Variants in DMXL2 observed in about 807,000 individuals in gnomAD.
The protein encoded by DMXL2 is Dmx like 2, also known as dmX-like protein 2.
In DMXL2, 103 loss-of-function variants were observed where a neutral mutation model predicts 331.1. The ratio of observed to expected loss-of-function variants is 0.31; its 90% CI spans 0.27 to 0.37. DMXL2 has a LOEUF of 0.37. Ranked by LOEUF, DMXL2 falls within the 10% of genes least tolerant of loss-of-function variation. DMXL2 has a pLI of 1.00. For synonymous variants in DMXL2, 1,281 were observed against 1,252.1 expected, an observed-to-expected ratio of 1.02 and a Z score of -0.49; for missense variants, 3,171 against 3,642.9, an observed-to-expected ratio of 0.87 and a Z score of 3.33.
chr15:51,588,732 C>A (rs572124943), intron 1 of DMXL2, among the ~76,000 whole-genome samples: 25 of 152,286 alleles, frequency 1.6e-4, no homozygotes, highest in African/African-American at 6.0e-4. Context: ...TACTATTAAA[C>A]TGTAATTAAA....
intron 28 of DMXL2, 65 bp downstream of exon 28, chr15:51,474,279 A>C (rs1014769872): frequency 2.0e-4 from 299 of 1,488,042 alleles, no homozygotes; most frequent in Non-Finnish European, 9.0e-6. Flanking sequence ...TGAAACATTA[A>C]AAAAAATTTT....
At chr15:51,564,378 C>G in intron 4 of DMXL2, 118 bp from the exon 5 acceptor site, 2 of 725,248 alleles carry the variant, frequency 2.8e-6, no homozygotes, top group Non-Finnish European at 4.0e-6. Context: ...AGCAATATCG[C>G]CAACGAAAAA....
At chr15:51,505,547 T>C (rs1014018508) in intron 16 of DMXL2, among the ~76,000 whole-genome samples, 1 of 152,240 alleles carries the variant, frequency 6.6e-6, no homozygotes, top group Admixed American at 6.5e-5. Context: ...TCAGATCCCT[T>C]CTCTTGCATT....
At chr15:51,472,521 C>T (rs1428928299) in intron 28 of DMXL2, among the ~76,000 whole-genome samples, 1 of 152,148 alleles carries the variant, frequency 6.6e-6, no homozygotes, top group African/African-American at 2.4e-5. Flanking sequence ...TAAGCAGTCA[C>T]TCCTTATTTC....
intron 1 of DMXL2, among the ~76,000 whole-genome samples, chr15:51,588,244 A>G (rs1595635941): frequency 1.3e-5 from 2 of 148,980 alleles, no homozygotes; most frequent in African/African-American, 5.0e-5. Context: ...TTCAACTGCC[A>G]CCTCCCAGAC....
chr15:51,469,644 C>G (rs1476218975), intron 29 of DMXL2, among the ~76,000 whole-genome samples: 1 of 152,014 alleles, frequency 6.6e-6, no homozygotes, highest in Admixed American at 6.6e-5. Context: ...CAGGAGGAAA[C>G]ATTTTTGAAA....
Position 51,502,794 on chromosome 15 carries a change from A to C in DMXL2, c.2992+12T>G. 1.2e-6 allele frequency: 2 copies of C among 1,603,874 alleles called. No homozygotes were observed. The highest frequency in any genetic ancestry group is 1.7e-6 in the Non-Finnish European group (2 of 1,170,724). On this transcript the variant is annotated intron_variant, in intron 17 of 43. Coordinates refer to ENST00000560891, the MANE Select transcript of DMXL2 (RefSeq NM_001378457.1). Reference sequence around the variant, plus strand: ...TCTGAGCTACCACTGCCCAGTCTTAAAGTGACCTTACCTGCTGAAGGCGTT... The same window carrying C: ...TCTGAGCTACCACTGCCCAGTCTTACAGTGACCTTACCTGCTGAAGGCGTT...
intron 25 of DMXL2, among the ~76,000 whole-genome samples, chr15:51,479,468 A>G (rs74013221): frequency 6.6e-6 from 1 of 152,322 alleles, no homozygotes; most frequent in African/African-American, 2.4e-5. Context: ...TCGCAGTAGT[A>G]ACTGCCAAAA....
At position 51,492,296 on chromosome 15, in the gene DMXL2, T is replaced by C. The variant is rs116409218; in HGVS notation, c.4784-549A>G. Among the ~76,000 whole-genome samples the C allele has an allele frequency of 1.8e-3, 275 of 152,376 alleles. 1 individual carries two copies. The highest frequency in any genetic ancestry group is 6.3e-3 in the African/African-American group (264 of 41,590). Reference sequence around the variant, plus strand: ...TCCTGGATGTCGATTCCAGTGCCACTACCCCATTCTTCTCTCTAGCCATGG... The same window carrying C: ...TCCTGGATGTCGATTCCAGTGCCACCACCCCATTCTTCTCTCTAGCCATGG... On this transcript the variant is annotated intron_variant, in intron 19 of 43. Transcript: ENST00000560891.
chr15:51,536,288 T>A lies in DMXL2; in HGVS notation c.2192A>T (p.Asp731Val). Residue 731 changes from aspartate (D) to valine (V), a missense_variant, in exon 12 of 44, where the codon GAC (aspartate) becomes GTC (valine). By Grantham distance (152) the Asp-to-Val change is radical. Coordinates refer to ENST00000560891, the MANE Select transcript of DMXL2 (RefSeq NM_001378457.1). ...AGTGTATGACAAAGGTCCTATTGGG[T>A]CTACACGCCACAGAATAAGTTCACT... The part of the protein sequence containing the change: ...IYSELILWRV[D>V]PIGPLSYTGG... The A allele has an allele frequency of 1.2e-6, 2 of 1,614,086 alleles. No individual in the cohort carries two copies. Among genetic ancestry groups the A allele is most frequent in the Non-Finnish European group, 1.7e-6 (2 of 1,179,946 alleles).
At chr15:51,468,973 G>A (rs1208675938) in intron 29 of DMXL2, among the ~76,000 whole-genome samples, 1 of 152,090 alleles carries the variant, frequency 6.6e-6, no homozygotes, top group East Asian at 1.9e-4. Context: ...GAGAGAGAGA[G>A]AGAGAGAGGT....
intron 6 of DMXL2, among the ~76,000 whole-genome samples, chr15:51,552,988 T>C (rs1334874825): frequency 1.3e-5 from 2 of 152,190 alleles, no homozygotes; most frequent in African/African-American, 4.8e-5. Context: ...CCAAAAACAC[T>C]CTTTCCCCTG....
chr15:51,510,555 T>C (rs2046693590), intron 15 of DMXL2, among the ~76,000 whole-genome samples: 1 of 151,984 alleles, frequency 6.6e-6, no homozygotes. Context: ...CATAAACAAA[T>C]GGAAAAACAT....
intron 1 of DMXL2, among the ~76,000 whole-genome samples, chr15:51,581,960 T>C (rs942643753): frequency 5.3e-5 from 8 of 152,276 alleles, no homozygotes; most frequent in African/African-American, 1.9e-4. Flanking sequence ...ACTATAATCT[T>C]ACCAAGAATA....
At chr15:51,534,519 G>A (rs780515863) in intron 13 of DMXL2, among the ~76,000 whole-genome samples, 14 of 152,210 alleles carry the variant, frequency 9.2e-5, no homozygotes, top group Admixed American at 7.2e-4. Flanking sequence ...TTAGAGTTGA[G>A]TCTCCCTCAT....
At chr15:51,603,363 C>G (rs916607660) in intron 1 of DMXL2, among the ~76,000 whole-genome samples, 2 of 152,040 alleles carry the variant, frequency 1.3e-5, no homozygotes, top group African/African-American at 4.8e-5. Context: ...ATGAAAAAGA[C>G]CAATTCCTCT....
intron 1 of DMXL2, among the ~76,000 whole-genome samples, chr15:51,587,439 A>G (rs1366415233): frequency 1.3e-5 from 2 of 151,840 alleles, no homozygotes; most frequent in Non-Finnish European, 1.5e-5. Context: ...TGTCCTTGAG[A>G]CAGTTTGCTG....
chr15:51,467,671 A>T (rs2040708038), intron 29 of DMXL2, among the ~76,000 whole-genome samples: 1 of 152,174 alleles, frequency 6.6e-6, no homozygotes, highest in South Asian at 2.1e-4. Flanking sequence ...TGTGGAAAAT[A>T]ATCTGGCAAT....
intron 2 of DMXL2, among the ~76,000 whole-genome samples, chr15:51,570,660 T>A (rs778597180): frequency 6.6e-6 from 1 of 152,192 alleles, no homozygotes; most frequent in Admixed American, 6.5e-5. Context: ...AAGAGAATTT[T>A]CAACCCAGAA....
Sources: gnomAD v4.1 joint callset for allele counts (sites outside exome capture counted in the v4.1 genomes callset) on GRCh38, gnomAD v4.1.1 for gene constraint, MANE v1.5 for transcripts, NCBI Gene and HGNC (gene_info 2026-07-23, HGNC 2026-07-21) for gene names.